PTPRF: variants seen among roughly 807,000 people sequenced by gnomAD.
PTPRF encodes the protein protein tyrosine phosphatase receptor type F.
A neutral mutation model predicts 201.8 loss-of-function variants in PTPRF; 59 were observed. That is an observed-to-expected ratio of 0.29 (90% CI 0.24 to 0.36). The LOEUF (loss-of-function observed/expected upper bound fraction) is 0.36. PTPRF is among the 10% of genes least tolerant of loss of function. The pLI is 1.00. For missense variants in PTPRF, 2,132 were observed against 2,690.5 expected (o/e 0.79, Z 4.59); for synonymous variants, 1,088 against 1,089.7 (o/e 1.00, Z 0.03).
Position 43,573,977 on chromosome 1 carries a change from C to CTTTTTTTTTTTT in PTPRF, c.568+4224_568+4235dup, listed in dbSNP as rs77543816. Among the ~76,000 whole-genome samples, 25 of 63,916 alleles carry CTTTTTTTTTTTT rather than the reference C, an allele frequency of 3.9e-4. 3 individuals carry two copies. The highest frequency in any genetic ancestry group is 6.6e-4 in the East Asian group (1 of 1,520). 41.9% of individuals were successfully genotyped at this position (63,916 alleles called of 152,430 possible). On this transcript the variant is annotated intron_variant, in intron 6 of 33. Coordinates refer to ENST00000359947, the MANE Select transcript of PTPRF (RefSeq NM_002840.5). The stretch of plus-strand genomic sequence containing the variant: ...CAAAGAGGGTTTGCTTGTGTGGGTT[C>CTTTTTTTTTTTT]TTTTTTTTTTTTTTTTTTTTTTTTT...
At chr1:43,532,299 G>A (rs1643645770) in intron 1 of PTPRF, among the ~76,000 whole-genome samples, 1 of 152,174 alleles carries the variant, frequency 6.6e-6, no homozygotes, top group Non-Finnish European at 1.5e-5. Flanking sequence ...CCCTGAGTTG[G>A]AGCAGGTTGG....
At chr1:43,611,810 G>A (rs1175448814) in intron 22 of PTPRF, among the ~76,000 whole-genome samples, 4 of 152,178 alleles carry the variant, frequency 2.6e-5, no homozygotes, top group East Asian at 1.9e-4. Context: ...AGAGGTAAGG[G>A]TGGCTCTGCA....
intron 6 of PTPRF, among the ~76,000 whole-genome samples, chr1:43,572,261 T>A (rs1487783711): frequency 7.1e-6 from 1 of 140,506 alleles, no homozygotes; most frequent in Non-Finnish European, 1.6e-5. Flanking sequence ...AGGTCTTCTC[T>A]GAGCCCTTGT....
chr1:43,587,132 T>G (rs1649360573), intron 7 of PTPRF, among the ~76,000 whole-genome samples: 1 of 152,096 alleles, frequency 6.6e-6, no homozygotes, highest in South Asian at 2.1e-4. Context: ...TGGAAGGAGT[T>G]GAAGCAAGTG....
chr1:43,575,994 C>T (rs1326700273), intron 6 of PTPRF: 17 of 1,335,518 alleles, frequency 1.3e-5, no homozygotes, highest in South Asian at 2.3e-5. Flanking sequence ...CACTCCATCC[C>T]GTCCAGTCTG....
chr1:43,578,490 G>C (rs982722966), intron 6 of PTPRF, among the ~76,000 whole-genome samples: 2 of 152,206 alleles, frequency 1.3e-5, no homozygotes, highest in Non-Finnish European at 2.9e-5. Flanking sequence ...TGGGAAATAG[G>C]CTCCAGTACT....
intron 7 of PTPRF, among the ~76,000 whole-genome samples, chr1:43,586,883 T>C (rs979090793): frequency 3.9e-5 from 6 of 152,198 alleles, no homozygotes; most frequent in African/African-American, 1.4e-4. Flanking sequence ...TGTTTCTCCA[T>C]AGTCAGATCT....
chr1:43,569,511 G>T, intron 5 of PTPRF, 79 bp from the exon 6 acceptor site: 5 of 1,450,042 alleles, frequency 3.4e-6, no homozygotes, highest in Non-Finnish European at 4.6e-6. Flanking sequence ...CCAACCTGCA[G>T]TTGGGGAGGT....
At chr1:43,563,181 A>C (rs1645923913) in intron 5 of PTPRF, among the ~76,000 whole-genome samples, 1 of 20,620 alleles carries the variant, frequency 4.8e-5, no homozygotes, top group Non-Finnish European at 2.7e-4. Context: ...CCATCTCAAA[A>C]AAAAAAAAAA....
intron 22 of PTPRF, among the ~76,000 whole-genome samples, chr1:43,612,400 T>G (rs1427002278): frequency 1.3e-5 from 2 of 152,162 alleles, no homozygotes; most frequent in African/African-American, 4.8e-5. Flanking sequence ...GAGGGCTCTT[T>G]TTTCCAACGT....
At position 43,621,835 on chromosome 1, in the gene PTPRF, G is replaced by A. The variant is rs1428126594; in HGVS notation, c.5656-100G>A. The A allele has an allele frequency of 7.3e-6, 9 of 1,240,336 alleles. No individual in the cohort carries two copies. In the East Asian group the frequency reaches 1.9e-4, roughly 26 times the overall value. The allele number at this position is 1,240,336 out of a possible 1,614,324, so 76.8% of individuals were successfully genotyped here. ...TGCCAGGGTCCAGCACCTGCTCTTG[G>A]CCAGCAGAGGCTAACTCCATGGCTG... On this transcript the variant is annotated intron_variant, in intron 33 of 33. Coordinates refer to ENST00000359947, the MANE Select transcript of PTPRF (RefSeq NM_002840.5).
chr1:43,609,127 A>G (rs1421481432), intron 21 of PTPRF, among the ~76,000 whole-genome samples: 8 of 152,092 alleles, frequency 5.3e-5, no homozygotes, highest in Non-Finnish European at 1.0e-4. Flanking sequence ...TCGCCCCTGC[A>G]ACCCCTTCCT....
Position 43,609,425 on chromosome 1 carries a change from C to T in PTPRF, c.3900C>T (p.Ile1300=), listed in dbSNP as rs376121833. The T allele has an allele frequency of 3.3e-5, 53 of 1,613,968 alleles. No homozygotes were observed. The Middle Eastern group carries it at 4.9e-4, about 15-fold the overall frequency. The stretch of plus-strand genomic sequence containing the variant: ...CGTCCTCTAAGGATGAGCAGTCGAT[C>T]GGACTGAAGGACTCCTTGCTGGCCC... The part of the protein sequence containing the change: ...HSPSSKDEQS[I]GLKDSLLAHS... The change falls in exon 22 of 34, where the codon ATC becomes ATT. Residue 1300 remains isoleucine (I), a synonymous_variant. Transcript: ENST00000359947.
chr1:43,593,968 G>A (rs932013924), intron 11 of PTPRF, among the ~76,000 whole-genome samples: 3 of 151,910 alleles, frequency 2.0e-5, no homozygotes, highest in African/African-American at 2.4e-5. Context: ...CCTGGGTGAC[G>A]AGCAAAACTC....
chr1:43,530,825 G>C (rs1359234868), upstream of PTPRF: 1 of 152,210 alleles, frequency 6.6e-6, no homozygotes, highest in Admixed American at 6.6e-5. This position sits in a 1 kb window ranked among gnomAD's most constrained non-coding sequence, Gnocchi z 4.1. Flanking sequence ...CGCACGGCAG[G>C]GGCAGGGGCG....
chr1:43,534,208 T>A (rs1281900745), intron 1 of PTPRF, among the ~76,000 whole-genome samples: 1 of 152,202 alleles, frequency 6.6e-6, no homozygotes, highest in Non-Finnish European at 1.5e-5. Context: ...ATGTGGCAGA[T>A]CACAGAGGGC....
upstream of PTPRF, among the ~76,000 whole-genome samples, chr1:43,529,635 G>A (rs527279582): frequency 3.3e-4 from 50 of 152,160 alleles, 1 homozygote; most frequent in Non-Finnish European, 5.6e-4. Context: ...GCGGCGGGGG[G>A]AGGAGGGGTG....
rs199866727 is a variant in PTPRF, at chr1:43,598,279, G to A, written c.2119+226G>A. 2.0e-4 allele frequency: 102 copies of A among 503,392 alleles called. 1 individual carries two copies. The East Asian group carries it at 2.5e-3, about 12-fold the overall frequency. The allele number at this position is 503,392 out of a possible 1,614,324, so 31.2% of individuals were successfully genotyped here. ...GCTGAAACCTTCACAGGCTAAGATG[G>A]GAGAAGCAGCCCTGTCTAAGATTTG... On this transcript the variant is annotated intron_variant, in intron 12 of 33. Transcript: ENST00000359947.
chr1:43,556,220 CAGTT>C (rs1321081414), intron 5 of PTPRF, among the ~76,000 whole-genome samples: 1 of 151,966 alleles, frequency 6.6e-6, no homozygotes, highest in Non-Finnish European at 1.5e-5. Context: ...CATCTCCATT[CAGTT>C]ACTCTTTTTG....
Sources: gnomAD v4.1 joint callset for allele counts (sites outside exome capture counted in the v4.1 genomes callset) on GRCh38, gnomAD v4.1.1 for gene constraint, Gnocchi (gnomAD v3.1) non-coding constraint, MANE v1.5 for transcripts, NCBI Gene and HGNC (gene_info 2026-07-23, HGNC 2026-07-21) for gene names.